IDE: variants seen among roughly 807,000 people sequenced by gnomAD.
IDE encodes insulin-degrading enzyme.
Under a neutral mutation model 133.2 loss-of-function variants are expected in IDE, and 58 were observed. The observed-to-expected ratio is 0.44, with a 90% CI of 0.35 to 0.54. IDE has a LOEUF of 0.54. IDE is among the 20% of genes least tolerant of loss of function. The probability of loss-of-function intolerance (pLI) is 0.00; values close to 1 mark genes in which losing one functional copy is unlikely to be tolerated. For missense variants in IDE, 981 were observed against 1,234.0 expected (o/e 0.79, Z 3.07); for synonymous variants, 396 against 421.3 (o/e 0.94, Z 0.73).
chr10:92,489,634 C>A (rs998507054), intron 12 of IDE, among the ~76,000 whole-genome samples: 4 of 152,192 alleles, frequency 2.6e-5, no homozygotes, highest in Non-Finnish European at 5.9e-5. Context: ...AGCACTAATT[C>A]ATGGAAGATC....
intron 13 of IDE, among the ~76,000 whole-genome samples, chr10:92,484,301 CTCAGGAGACTGAG>C (rs1846824095): frequency 1.3e-5 from 2 of 152,110 alleles, no homozygotes; most frequent in African/African-American, 4.8e-5. Flanking sequence ...GTCCCAGCTA[CTCAGGAGACTGAG>C]GCAGGAGAAT....
At chr10:92,529,033 C>T (rs932530764) in intron 4 of IDE, among the ~76,000 whole-genome samples, 3 of 152,010 alleles carry the variant, frequency 2.0e-5, no homozygotes, top group African/African-American at 7.2e-5. Flanking sequence ...GCCAAGATCA[C>T]CATACTGCAC....
intron 13 of IDE, among the ~76,000 whole-genome samples, chr10:92,485,125 CTTTTTTTTTT>C (rs34615998): frequency 9.9e-6 from 1 of 100,860 alleles, no homozygotes; most frequent in South Asian, 3.3e-4. Context: ...TTCTTTCTTT[CTTTTTTTTTT>C]TTTTTTTTTG....
At chr10:92,573,681 C>T (rs1030805918) in intron 1 of IDE, among the ~76,000 whole-genome samples, 7 of 152,254 alleles carry the variant, frequency 4.6e-5, no homozygotes, top group Non-Finnish European at 1.0e-4. Flanking sequence ...GCGGCCCCGG[C>T]CCCTCACCAG....
intron 14 of IDE, chr10:92,479,633 G>A: frequency 2.1e-6 from 1 of 467,292 alleles, no homozygotes; most frequent in South Asian, 3.2e-5. Context: ...GTGTGTGCAT[G>A]CGTGCGTGTG....
Position 92,504,880 on chromosome 10 carries a change from C to A in IDE, c.1344G>T (p.Glu448Asp). ...CCAGTAAATATTCCGCTGTGAGCACCTCTTCTAGGGGATAATACTTTTAAA... is the reference window on the plus strand; with the variant it reads ...CCAGTAAATATTCCGCTGTGAGCACATCTTCTAGGGGATAATACTTTTAAA... ...AGILHYYPLE[E>D]VLTAEYLLEE... Residue 448 changes from glutamate (E) to aspartate (D), a missense_variant, in exon 11 of 25, where the codon GAG (glutamate) becomes GAT (aspartate). This residue lies in a region of IDE where 660 missense variants were observed against 894.7 expected (regional missense o/e 0.74). Coordinates refer to ENST00000265986, the MANE Select transcript of IDE (RefSeq NM_004969.4). The A allele has an allele frequency of 6.5e-7, 1 of 1,533,170 alleles. No individual in the cohort carries two copies. Among genetic ancestry groups the A allele is most frequent in the Admixed American group, 1.9e-5 (1 of 52,910 alleles). The allele number at this position is 1,533,170 out of a possible 1,614,324, so 95.0% of individuals were successfully genotyped here.
intron 17 of IDE, among the ~76,000 whole-genome samples, chr10:92,473,237 C>A (rs1013599341): frequency 2.0e-5 from 3 of 151,902 alleles, no homozygotes; most frequent in Admixed American, 6.6e-5. Context: ...GCCCAAAATT[C>A]TTTTTATTGC....
chr10:92,474,825 A>C lies in IDE; in HGVS notation c.2116+16T>G. ...AAAAATGAAGAAAGCATTAAGCTTT[A>C]AGTAGAAAGTCTCACCATCCAGAGC... On this transcript the variant is annotated intron_variant, in intron 17 of 24. Transcript: ENST00000265986. 1 of 1,597,518 alleles carries C rather than the reference A, an allele frequency of 6.3e-7. No homozygotes were observed. The highest frequency in any genetic ancestry group is 2.2e-5 in the East Asian group (1 of 44,752).
chr10:92,455,614 T>C lies in IDE; in HGVS notation c.2926A>G (p.Asn976Asp). The change falls in exon 24 of 25, where the codon AAT (asparagine) becomes GAT (aspartate). Residue 976 changes from asparagine to aspartate, a missense_variant. By Grantham distance (23) the Asn-to-Asp change is conservative. Transcript: ENST00000265986. Reference sequence around the variant, plus strand: ...GGTGCTTGTGACAAATTTATGTCATTTTGACATGGGAACTCTCCAACAACA... The same window carrying C: ...GGTGCTTGTGACAAATTTATGTCATCTTGACATGGGAACTCTCCAACAACA... ...CPVVGEFPCQ[N>D]DINLSQAPAL... is the part of the protein sequence containing the mutation. 1 of 1,602,840 alleles carries C rather than the reference T, an allele frequency of 6.2e-7. No individual in the cohort carries two copies. Among genetic ancestry groups the C allele is most frequent in the Non-Finnish European group, 8.5e-7 (1 of 1,169,810 alleles).
intron 1 of IDE, among the ~76,000 whole-genome samples, chr10:92,563,284 T>A (rs1221387622): frequency 1.3e-5 from 2 of 151,416 alleles, no homozygotes; most frequent in Non-Finnish European, 2.9e-5. Flanking sequence ...AACCCCCATC[T>A]CTACTAAAAA....
At chr10:92,509,516 C>T (rs1848475133) in intron 6 of IDE, among the ~76,000 whole-genome samples, 1 of 152,022 alleles carries the variant, frequency 6.6e-6, no homozygotes, top group South Asian at 2.1e-4. Context: ...TTGCTTGAAC[C>T]TGGGAAGCAG....
chr10:92,553,880 C>T (rs1197686535), intron 1 of IDE, among the ~76,000 whole-genome samples: 6 of 152,120 alleles, frequency 3.9e-5, no homozygotes, highest in Non-Finnish European at 7.3e-5. Flanking sequence ...CATGGCTTTC[C>T]TGCTGAATTC....
chr10:92,475,707 G>C (rs373971398), intron 16 of IDE, among the ~76,000 whole-genome samples, 177 bp downstream of exon 16: 174 of 152,106 alleles, frequency 1.1e-3, no homozygotes, highest in Middle Eastern at 6.8e-3. Flanking sequence ...AGTCTACTAG[G>C]ATTTCTTTCT....
chr10:92,558,114 G>T (rs11187066), intron 1 of IDE, among the ~76,000 whole-genome samples: 2 of 151,886 alleles, frequency 1.3e-5, no homozygotes, highest in Admixed American at 6.6e-5. Flanking sequence ...GTGCAAAGGC[G>T]TGATCTCAGC....
At chr10:92,507,475 A>G (rs1848357202) in intron 9 of IDE, 100 bp downstream of exon 9, 2 of 749,546 alleles carry the variant, frequency 2.7e-6, no homozygotes, top group East Asian at 2.4e-5. Context: ...TAGGAAAAAA[A>G]CTTTAAAAGT....
chr10:92,554,934 G>GA (rs911533462), intron 1 of IDE: 5 of 152,028 alleles, frequency 3.3e-5, no homozygotes, highest in African/African-American at 1.2e-4. Flanking sequence ...AAAAAGGGGG[G>GA]AAAAATAGAG....
chr10:92,557,493 G>T (rs1231382488), intron 1 of IDE, among the ~76,000 whole-genome samples: 1 of 151,768 alleles, frequency 6.6e-6, no homozygotes, highest in East Asian at 1.9e-4. Context: ...CCAAGATAGT[G>T]CCACTGCAGT....
chr10:92,460,431 A>G (rs1845312331), intron 22 of IDE, among the ~76,000 whole-genome samples: 1 of 152,170 alleles, frequency 6.6e-6, no homozygotes, highest in Non-Finnish European at 1.5e-5. Context: ...AGGGTGGAGA[A>G]CAGAGAGAAG....
chr10:92,505,824 C>A (rs1327414379), intron 10 of IDE, among the ~76,000 whole-genome samples: 1 of 152,134 alleles, frequency 6.6e-6, no homozygotes, highest in Non-Finnish European at 1.5e-5. Flanking sequence ...AGAGCCAGTA[C>A]AGTTGGAGTG....
Sources: allele counts gnomAD v4.1 joint callset (sites outside exome capture counted in the v4.1 genomes callset), GRCh38; gene constraint gnomAD v4.1.1; regional missense constraint gnomAD v4.1.1; transcripts MANE v1.5; gene names NCBI Gene and HGNC (gene_info 2026-07-23, HGNC 2026-07-21).